The following RIMS1 variants were observed in gnomAD, a reference collection of about 807,000 sequenced individuals.
RIMS1 encodes regulating synaptic membrane exocytosis protein 1.
Under a neutral mutation model 214.1 loss-of-function variants are expected in RIMS1, and 83 were observed. That is an observed-to-expected ratio of 0.39 (90% CI 0.32 to 0.47). The LOEUF (loss-of-function observed/expected upper bound fraction) is 0.47, where lower values mean the gene tolerates loss of function less well. Among genes scored for constraint, RIMS1 ranks in the 20% least tolerant of loss-of-function variants. The pLI is 0.99. For missense variants in RIMS1, 2,050 were observed against 2,161.8 expected, an observed-to-expected ratio of 0.95 and a Z score of 1.03; for synonymous variants, 793 against 786.8, an observed-to-expected ratio of 1.01 and a Z score of -0.13.
At chr6:72,331,397 G>A (rs1157645660) in intron 28 of RIMS1, among the ~76,000 whole-genome samples, 1 of 151,760 alleles carries the variant, frequency 6.6e-6, no homozygotes, top group Non-Finnish European at 1.5e-5. Flanking sequence ...TGTGGAGAGT[G>A]GGCTAAAATA....
intron 6 of RIMS1, among the ~76,000 whole-genome samples, chr6:72,212,085 C>G (rs1335063835): frequency 6.6e-6 from 1 of 151,964 alleles, no homozygotes; most frequent in Non-Finnish European, 1.5e-5. Context: ...ACAACATTTT[C>G]TGTATTGAAA....
At chr6:72,392,839 A>G in intron 31 of RIMS1, 29 bp downstream of exon 31, 1 of 1,452,318 alleles carries the variant, frequency 6.9e-7, no homozygotes, top group Non-Finnish European at 9.6e-7. Context: ...TTCTACAAGA[A>G]AATTGATGTT....
At chr6:72,222,326 G>A (rs895143653) in intron 6 of RIMS1, among the ~76,000 whole-genome samples, 1 of 151,920 alleles carries the variant, frequency 6.6e-6, no homozygotes, top group African/African-American at 2.4e-5. Context: ...ATTGATTTAA[G>A]AATCTTTAAA....
At chr6:71,992,424 TTCTTTCTTTCTTTCTTTCTTTCTTTC>T (rs1801956779) in intron 2 of RIMS1, among the ~76,000 whole-genome samples, 2 of 74,368 alleles carry the variant, frequency 2.7e-5, no homozygotes, top group South Asian at 3.7e-4. Flanking sequence ...CTTTCTTTCT[TTCTTTCTTTCTTTCTTTCTTTCTTTC>T]TCTTTCTCTT....
At position 72,242,379 on chromosome 6, in the gene RIMS1, A is replaced by G. The variant is rs1171420364; in HGVS notation, c.2023A>G (p.Ile675Val). Residue 675 changes from isoleucine to valine, a missense_variant, in exon 10 of 34, where the codon ATT becomes GTT. By Grantham distance (29) the Ile-to-Val change is conservative (BLOSUM62 3). Coordinates refer to ENST00000521978, the MANE Select transcript of RIMS1 (RefSeq NM_014989.7). The part of the protein sequence containing the change: ...PGATNEEVYN[I>V]ILESKSEPQV... Reference sequence around the variant, plus strand: ...AGCTACAAATGAAGAAGTTTACAACATTATTTTAGAATCAAAATCAGAACC... The same window carrying G: ...AGCTACAAATGAAGAAGTTTACAACGTTATTTTAGAATCAAAATCAGAACC... The G allele has an allele frequency of 1.3e-6, 2 of 1,562,196 alleles. No individual in the cohort carries two copies. The highest frequency in any genetic ancestry group is 1.4e-5 in the African/African-American group (1 of 73,786).
intron 4 of RIMS1, 123 bp downstream of exon 4, chr6:72,100,109 C>T: frequency 1.3e-6 from 1 of 760,144 alleles, no homozygotes. Context: ...CTAGGAAGAG[C>T]TCATTTCCAG....
At position 72,323,898 on chromosome 6, in the gene RIMS1, A is replaced by G. The variant is rs146048936; in HGVS notation, c.4131-9702A>G. Among the ~76,000 whole-genome samples the G allele has an allele frequency of 4.0e-3, 610 of 152,036 alleles. 5 individuals are homozygous for G. Among genetic ancestry groups the G allele is most frequent in the African/African-American group, 0.014 (570 of 41,528 alleles). ...TTTCAGCACATATTATGAGACCCCA[A>G]ATTTGATGGAATGGCCAAAAGAAAG... On this transcript the variant is annotated intron_variant, in intron 28 of 33. Coordinates refer to ENST00000521978, the MANE Select transcript of RIMS1 (RefSeq NM_014989.7).
intron 1 of RIMS1, among the ~76,000 whole-genome samples, chr6:71,913,862 G>A (rs1361438936): frequency 1.3e-5 from 2 of 152,022 alleles, no homozygotes; most frequent in Admixed American, 1.3e-4. Context: ...AGGGTAAGAA[G>A]GACACTTCCT....
chr6:72,394,849 A>G (rs1328335931), intron 31 of RIMS1, among the ~76,000 whole-genome samples: 4 of 152,106 alleles, frequency 2.6e-5, no homozygotes, highest in African/African-American at 7.2e-5. Context: ...AAGAGAATCC[A>G]TGCCTGAGAA....
intron 4 of RIMS1, among the ~76,000 whole-genome samples, chr6:72,148,987 C>T (rs1035004104): frequency 4.0e-5 from 6 of 151,708 alleles, no homozygotes; most frequent in Non-Finnish European, 7.4e-5. Context: ...AAGATGCCTC[C>T]CCAAAGGAAA....
chr6:72,292,292 G>T (rs928721857), intron 26 of RIMS1, among the ~76,000 whole-genome samples: 3 of 151,904 alleles, frequency 2.0e-5, no homozygotes, highest in Non-Finnish European at 4.4e-5. Context: ...AAGGGATTTA[G>T]GGCTAGAAAC....
chr6:72,243,016 G>T (rs2067639002), intron 10 of RIMS1, among the ~76,000 whole-genome samples: 1 of 151,630 alleles, frequency 6.6e-6, no homozygotes, highest in Non-Finnish European at 1.5e-5. Context: ...TAGCCAGTGG[G>T]ATATTTTCTA....
rs545079624 is a variant in RIMS1, at chr6:72,289,918, A to C, written c.3555-761A>C. Among the ~76,000 whole-genome samples, 171 of 152,272 alleles carry C rather than the reference A, an allele frequency of 1.1e-3. 2 individuals are homozygous for C. The highest frequency in any genetic ancestry group is 8.9e-3 in the South Asian group (43 of 4,822). On this transcript the variant is annotated intron_variant, in intron 24 of 33. Coordinates refer to ENST00000521978, the MANE Select transcript of RIMS1 (RefSeq NM_014989.7). ...AAGCATGCATTAAAAAAATAAGTACATCTATATAAACATCAGTTGTTTATT... is the reference window on the plus strand; with the variant it reads ...AAGCATGCATTAAAAAAATAAGTACCTCTATATAAACATCAGTTGTTTATT...
At chr6:72,017,422 A>G (rs1813130944) in intron 2 of RIMS1, among the ~76,000 whole-genome samples, 1 of 152,178 alleles carries the variant, frequency 6.6e-6, no homozygotes, top group Non-Finnish European at 1.5e-5. Flanking sequence ...GACTCTTTCC[A>G]TTTTACCAAT....
Position 72,252,770 on chromosome 6 carries a change from G to A in RIMS1, c.2708G>A (p.Arg903Gln), listed in dbSNP as rs776822598. 9.6e-6 allele frequency: 15 copies of A among 1,558,678 alleles called. No individual in the cohort carries two copies. Among genetic ancestry groups the A allele is most frequent in the East Asian group, 2.4e-5 (1 of 41,992 alleles). The part of the protein sequence containing the change: ...SSSKKLQRSQ[R>Q]ISDSDISDYE... ...CCTTACTGTTGTGCAGGATCTCAGCGAATCAGTGATAGTGACATCTCAGAT... is the reference window on the plus strand; with the variant it reads ...CCTTACTGTTGTGCAGGATCTCAGCAAATCAGTGATAGTGACATCTCAGAT... Residue 903 changes from arginine (R) to glutamine (Q), a missense_variant, in exon 16 of 34, where the codon CGA becomes CAA. Coordinates refer to ENST00000521978, the MANE Select transcript of RIMS1 (RefSeq NM_014989.7).
At position 72,400,547 on chromosome 6, in the gene RIMS1, G is replaced by A; in HGVS notation, c.4912G>A (p.Val1638Met). 6.2e-7 allele frequency: 1 copy of A among 1,614,054 alleles called. No individual in the cohort carries two copies. Among genetic ancestry groups the A allele is most frequent in the South Asian group, 1.1e-5 (1 of 91,078 alleles). Residue 1638 changes from valine to methionine, a missense_variant, in exon 34 of 34, where the codon GTG (valine) becomes ATG (methionine). By Grantham distance (21) the Val-to-Met change is conservative. Coordinates refer to ENST00000521978, the MANE Select transcript of RIMS1 (RefSeq NM_014989.7). Reference protein sequence around the residue: ...GRMDHKCFMGVAQILLEELDL... With the variant: ...GRMDHKCFMGMAQILLEELDL... ...AATGGACCACAAATGCTTTATGGGTGTGGCTCAGATCTTGTTGGAAGAACT... is the reference window on the plus strand; with the variant it reads ...AATGGACCACAAATGCTTTATGGGTATGGCTCAGATCTTGTTGGAAGAACT...
intron 26 of RIMS1, among the ~76,000 whole-genome samples, chr6:72,295,169 A>T (rs1204486057): frequency 1.3e-5 from 2 of 151,794 alleles, no homozygotes; most frequent in African/African-American, 4.8e-5. Flanking sequence ...TTCCATTATT[A>T]TATCACCTAT....
chr6:71,979,697 A>G (rs986815504), intron 2 of RIMS1, among the ~76,000 whole-genome samples: 2 of 152,110 alleles, frequency 1.3e-5, no homozygotes, highest in African/African-American at 4.8e-5. Flanking sequence ...GAATGATGTA[A>G]AAATGCATAG....
Position 72,182,421 on chromosome 6 carries a change from G to C in RIMS1, c.950G>C (p.Arg317Pro). The C allele has an allele frequency of 1.2e-6, 2 of 1,613,908 alleles. No individual in the cohort carries two copies. Among genetic ancestry groups the C allele is most frequent in the Non-Finnish European group, 1.7e-6 (2 of 1,179,860 alleles). ...ERERKERRES[R>P]RLEKGRSQDY... ...GAGCGCAAAGAAAGGCGGGAAAGCC[G>C]AAGGCTTGAGAAAGGGCGATCACAG... The change falls in exon 6 of 34, where the codon CGA (arginine) becomes CCA (proline). Residue 317 changes from arginine to proline, a missense_variant. Around this residue, in one of 6 missense-constraint regions of RIMS1, gnomAD observed 882 missense variants for 828.9 expected, o/e 1.06. Coordinates refer to ENST00000521978, the MANE Select transcript of RIMS1 (RefSeq NM_014989.7).
Sources: allele counts gnomAD v4.1 joint callset (sites outside exome capture counted in the v4.1 genomes callset), GRCh38; gene constraint gnomAD v4.1.1; regional missense constraint gnomAD v4.1.1; transcripts MANE v1.5; gene names NCBI Gene and HGNC (gene_info 2026-07-23, HGNC 2026-07-21).